RYR2: variants seen among roughly 807,000 people sequenced by gnomAD.
RYR2 encodes the protein cardiac muscle ryanodine receptor-calcium release channel.
Under a neutral mutation model 601.1 loss-of-function variants are expected in RYR2, and 227 were observed. The observed-to-expected ratio is 0.38, with a 90% CI of 0.34 to 0.42. The LOEUF (loss-of-function observed/expected upper bound fraction) is 0.42, where lower values mean the gene tolerates loss of function less well. RYR2 is among the 10% of genes least tolerant of loss of function. The pLI is 1.00. For missense variants in RYR2, 4,646 were observed against 6,156.5 expected (o/e 0.75, Z 8.21); for synonymous variants, 2,223 against 2,175.1 (o/e 1.02, Z -0.61).
intron 1 of RYR2, among the ~76,000 whole-genome samples, chr1:237,211,247 A>C (rs1470383194): frequency 6.6e-6 from 1 of 152,178 alleles, no homozygotes; most frequent in Non-Finnish European, 1.5e-5. Flanking sequence ...ATTCCATGGC[A>C]CTGACTCAGG....
In RYR2 at chr1:237,269,121, C is replaced by T. The variant is rs1177633991; in HGVS notation, c.49-1376C>T. ...GCAATGGCACGATCTCAGCTCACTG[C>T]AACCTCCGCCTCCCAGGTTAAAGCA... is the stretch of plus-strand genomic sequence containing the variant. On this transcript the variant is annotated intron_variant, in intron 1 of 104. Coordinates refer to ENST00000366574, the MANE Select transcript of RYR2 (RefSeq NM_001035.3). Among the ~76,000 whole-genome samples, 4 of 143,698 alleles carry T rather than the reference C, an allele frequency of 2.8e-5. No individual in the cohort carries two copies. The East Asian group carries it at 8.4e-4, about 30-fold the overall frequency. 94.3% of individuals were successfully genotyped at this position (143,698 alleles called of 152,430 possible). A position where few individuals can be genotyped will look rare whatever the true frequency, so the allele number is the denominator to read the frequency against.
chr1:237,047,300 G>A (rs1334726549), intron 1 of RYR2, among the ~76,000 whole-genome samples: 1 of 151,708 alleles, frequency 6.6e-6, no homozygotes, highest in East Asian at 1.9e-4. Flanking sequence ...GTGAAAAGGA[G>A]GTTTCTTTTG....
intron 16 of RYR2, among the ~76,000 whole-genome samples, chr1:237,464,198 A>G (rs2618679): frequency 0.2 from 31,062 of 151,968 alleles, 3,363 homozygotes; most frequent in African/African-American, 0.26. Context: ...AGGTTCATGG[A>G]CTAAGATAGT....
chr1:237,488,749 C>T (rs533854784), intron 17 of RYR2, among the ~76,000 whole-genome samples: 2 of 152,134 alleles, frequency 1.3e-5, no homozygotes, highest in African/African-American at 4.8e-5. Context: ...GTACTTTGTA[C>T]ACCTACCCCA....
chr1:237,716,710 G>A (rs915071713), intron 71 of RYR2, among the ~76,000 whole-genome samples: 8 of 151,522 alleles, frequency 5.3e-5, no homozygotes, highest in Non-Finnish European at 7.4e-5. Context: ...TTTGCAGACT[G>A]TATAAAAGAA....
chr1:237,473,427 C>CCTT (rs1660971988), intron 17 of RYR2, among the ~76,000 whole-genome samples: 1 of 102,532 alleles, frequency 9.8e-6, no homozygotes, highest in Non-Finnish European at 1.8e-5. Flanking sequence ...CCATCTCTCT[C>CCTT]TCTCTCTTTC....
At chr1:237,734,442 G>A (rs1690958625) in intron 79 of RYR2, among the ~76,000 whole-genome samples, 1 of 152,054 alleles carries the variant, frequency 6.6e-6, no homozygotes, top group African/African-American at 2.4e-5. Context: ...TGACACTTGG[G>A]GATTACAATT....
intron 17 of RYR2, among the ~76,000 whole-genome samples, chr1:237,482,699 T>C (rs1370999824): frequency 1.3e-5 from 2 of 152,186 alleles, no homozygotes; most frequent in Non-Finnish European, 2.9e-5. Flanking sequence ...CTGATTTCTT[T>C]CTTTTGGGTA....
chr1:237,524,251 C>G (rs2147884780), intron 24 of RYR2, among the ~76,000 whole-genome samples: 1 of 152,338 alleles, frequency 6.6e-6, no homozygotes, highest in African/African-American at 2.4e-5. Context: ...CTGCCACAGA[C>G]TCCAACATGG....
At chr1:237,303,661 G>T (rs1304862666) in intron 2 of RYR2, among the ~76,000 whole-genome samples, 1 of 152,066 alleles carries the variant, frequency 6.6e-6, no homozygotes, top group Non-Finnish European at 1.5e-5. Flanking sequence ...AAAACCTTGT[G>T]AATTCATTAT....
chr1:237,792,230 G>A lies in RYR2; in HGVS notation c.13689G>A (p.Glu4563=), dbSNP rs886039157. ...TCGCAGTTCACTATGTACTAGAGGA[G>A]AGCAGCGGCTACATGGAGCCCACGT... The part of the protein sequence containing the change: ...RIIAVHYVLE[E]SSGYMEPTLR... The change falls in exon 94 of 105, where the codon GAG becomes GAA. Residue 4563 remains glutamate, a synonymous_variant. Coordinates refer to ENST00000366574, the MANE Select transcript of RYR2 (RefSeq NM_001035.3). The A allele has an allele frequency of 6.2e-7, 1 of 1,613,838 alleles. No homozygotes were observed. The highest frequency in any genetic ancestry group is 8.5e-7 in the Non-Finnish European group (1 of 1,179,830).
intron 27 of RYR2, among the ~76,000 whole-genome samples, chr1:237,556,562 G>T (rs2148158735): frequency 6.6e-6 from 1 of 151,000 alleles, no homozygotes; most frequent in Non-Finnish European, 1.5e-5. Context: ...ACCCACCTTG[G>T]CCTCCCAAAG....
intron 53 of RYR2, among the ~76,000 whole-genome samples, chr1:237,656,303 A>G (rs74902329): frequency 0.088 from 13,416 of 152,094 alleles, 1,664 homozygotes; most frequent in African/African-American, 0.28. Context: ...ATTAATAACG[A>G]CAATCAACCT....
intron 48 of RYR2, among the ~76,000 whole-genome samples, chr1:237,645,069 G>A (rs1681986592): frequency 6.6e-6 from 1 of 152,068 alleles, no homozygotes; most frequent in African/African-American, 2.4e-5. Context: ...TAGGCAGGAA[G>A]TGCATGCTAT....
intron 35 of RYR2, among the ~76,000 whole-genome samples, chr1:237,602,400 T>G (rs1676605602): frequency 6.6e-6 from 1 of 152,202 alleles, no homozygotes; most frequent in Non-Finnish European, 1.5e-5. Flanking sequence ...ATAGGTGAGC[T>G]AATGAATGGA....
chr1:237,371,143 C>T (rs1336581680), intron 6 of RYR2, among the ~76,000 whole-genome samples: 3 of 150,892 alleles, frequency 2.0e-5, no homozygotes, highest in Non-Finnish European at 2.9e-5. Flanking sequence ...TGAGATGTTA[C>T]TACGTTACCA....
chr1:237,306,601 T>C (rs1353350462), intron 2 of RYR2, among the ~76,000 whole-genome samples: 2 of 151,798 alleles, frequency 1.3e-5, no homozygotes, highest in Non-Finnish European at 2.9e-5. Context: ...TGACCTTTTG[T>C]GTGATAAACA....
At chr1:237,145,452 T>C (rs1673904303) in intron 1 of RYR2, among the ~76,000 whole-genome samples, 1 of 152,244 alleles carries the variant, frequency 6.6e-6, no homozygotes, top group African/African-American at 2.4e-5. Context: ...CATGCTTCTT[T>C]GAACATTCCT....
chr1:237,299,410 A>G (rs1693129057), intron 2 of RYR2, among the ~76,000 whole-genome samples: 1 of 152,200 alleles, frequency 6.6e-6, no homozygotes, highest in Non-Finnish European at 1.5e-5. Context: ...GTGGGTTAAT[A>G]AGAGAAGGAA....
Sources: allele counts gnomAD v4.1 joint callset (sites outside exome capture counted in the v4.1 genomes callset), GRCh38; gene constraint gnomAD v4.1.1; transcripts MANE v1.5; gene names NCBI Gene and HGNC (gene_info 2026-07-23, HGNC 2026-07-21).